RBFOX1: variants seen among roughly 807,000 people sequenced by gnomAD.
RBFOX1 encodes the protein RNA binding protein fox-1 homolog 1.
A neutral mutation model predicts 57.7 loss-of-function variants in RBFOX1; 8 were observed. The ratio of observed to expected loss-of-function variants is 0.14; its 90% confidence interval spans 0.08 to 0.25. The LOEUF (loss-of-function observed/expected upper bound fraction) is 0.25, where lower values mean the gene tolerates loss of function less well. Ranked by LOEUF, RBFOX1 falls within the 10% of genes least tolerant of loss-of-function variation. The probability of loss-of-function intolerance (pLI) is 1.00; values close to 1 mark genes in which losing one functional copy is unlikely to be tolerated. For missense variants in RBFOX1, 611 were observed against 548.5 expected, an observed-to-expected ratio of 1.11 and a Z score of -1.14; for synonymous variants, 326 against 222.4, an observed-to-expected ratio of 1.47 and a Z score of -4.15.
At chr16:7,507,561 CTTTCTTTTTTT>C (rs965718244) in intron 4 of RBFOX1, among the ~76,000 whole-genome samples, 1 of 122,904 alleles carries the variant, frequency 8.1e-6, no homozygotes, top group Non-Finnish European at 1.7e-5. Context: ...TTTTTTCTTT[CTTTCTTTTTTT>C]TTTTTTTTTG....
At chr16:6,530,098 C>G (rs1043120960) in intron 2 of RBFOX1, among the ~76,000 whole-genome samples, 24 of 152,178 alleles carry the variant, frequency 1.6e-4, no homozygotes, top group African/African-American at 4.6e-4. Flanking sequence ...AGACTTGTAG[C>G]TTCCGAAAAG....
chr16:7,704,352 G>C (rs1237015520), intron 14 of RBFOX1, among the ~76,000 whole-genome samples: 1 of 152,070 alleles, frequency 6.6e-6, no homozygotes, highest in Admixed American at 6.6e-5. Context: ...ATGGCAACTT[G>C]GCCAGTGTTT....
chr16:6,185,682 T>C (rs976444127), intron 1 of RBFOX1, among the ~76,000 whole-genome samples: 2 of 152,250 alleles, frequency 1.3e-5, no homozygotes, highest in Admixed American at 6.5e-5. Context: ...CTTGTGGGTC[T>C]AAATTGTTAA....
At chr16:5,835,682 A>T (rs1229399772) in intron 3 of RBFOX1, among the ~76,000 whole-genome samples, 1 of 152,196 alleles carries the variant, frequency 6.6e-6, no homozygotes, top group Non-Finnish European at 1.5e-5. Flanking sequence ...TTTTATGAGG[A>T]AAACAGTCTC....
At chr16:5,627,791 G>A (rs1044643892) in intron 3 of RBFOX1, among the ~76,000 whole-genome samples, 5 of 152,152 alleles carry the variant, frequency 3.3e-5, no homozygotes, top group African/African-American at 1.2e-4. Flanking sequence ...AATCAAAGAT[G>A]ATTTAAACTA....
intron 5 of RBFOX1, among the ~76,000 whole-genome samples, chr16:7,527,486 C>G (rs1304123486): frequency 1.3e-5 from 2 of 151,984 alleles, no homozygotes; most frequent in African/African-American, 4.8e-5. Context: ...GGGTTTCAGC[C>G]TCGGATTTTG....
chr16:5,735,173 A>G (rs2052527169), intron 3 of RBFOX1, among the ~76,000 whole-genome samples: 1 of 152,162 alleles, frequency 6.6e-6, no homozygotes, highest in Non-Finnish European at 1.5e-5. Context: ...GCTAGGAAAT[A>G]TGATGGAACC....
intron 2 of RBFOX1, among the ~76,000 whole-genome samples, chr16:5,587,329 A>T (rs535097307): frequency 1.3e-5 from 2 of 152,258 alleles, no homozygotes; most frequent in African/African-American, 4.8e-5. Context: ...ACATGAAAAG[A>T]TGCTCGACAT....
intron 3 of RBFOX1, among the ~76,000 whole-genome samples, chr16:5,726,196 A>T (rs566127729): frequency 2.0e-5 from 3 of 151,836 alleles, no homozygotes; most frequent in Non-Finnish European, 2.9e-5. Flanking sequence ...TTGCGAATCA[A>T]TCAGTTTTGT....
At chr16:6,759,748 T>G (rs1603608215) in intron 3 of RBFOX1, among the ~76,000 whole-genome samples, 2 of 152,192 alleles carry the variant, frequency 1.3e-5, no homozygotes, top group Non-Finnish European at 2.9e-5. Flanking sequence ...ACATGTATGC[T>G]GAAGAATTCA....
chr16:5,661,236 A>G (rs534488924), intron 3 of RBFOX1, among the ~76,000 whole-genome samples: 5 of 151,016 alleles, frequency 3.3e-5, no homozygotes, highest in Non-Finnish European at 7.3e-5. Context: ...ACATGGAAGG[A>G]AAATATAACA....
intron 2 of RBFOX1, among the ~76,000 whole-genome samples, chr16:6,527,242 G>T (rs1180719099): frequency 3.3e-5 from 5 of 152,006 alleles, no homozygotes; most frequent in Non-Finnish European, 7.4e-5. Flanking sequence ...AAGTAAAGAC[G>T]CGTTACCAGT....
In RBFOX1 at chr16:7,437,107, A is replaced by T. The variant is rs113505679; in HGVS notation, c.28-81040A>T. ...AAAAATCTCCTGACACCAGAAAGCC[A>T]CAGAGCAGAAGCATCACAGGGCTCT... On this transcript the variant is annotated intron_variant, in intron 4 of 15. Coordinates refer to ENST00000550418, the MANE Select transcript of RBFOX1 (RefSeq NM_018723.4). Among the ~76,000 whole-genome samples the T allele has an allele frequency of 3.3e-3, 503 of 152,272 alleles. 1 individual carries two copies. The highest frequency in any genetic ancestry group is 0.012 in the African/African-American group (490 of 41,570).
chr16:7,058,952 C>T (rs953110524), intron 4 of RBFOX1, among the ~76,000 whole-genome samples: 4 of 152,134 alleles, frequency 2.6e-5, no homozygotes, highest in Non-Finnish European at 5.9e-5. Flanking sequence ...TTTAGAAATA[C>T]TGAAATCATG....
intron 2 of RBFOX1, among the ~76,000 whole-genome samples, chr16:6,527,516 T>A (rs1050213764): frequency 3.9e-5 from 6 of 152,198 alleles, no homozygotes; most frequent in Non-Finnish European, 7.3e-5. Context: ...GATTTTTGGT[T>A]ATGTTTCTGT....
chr16:6,901,915 C>CT (rs766955757), intron 3 of RBFOX1, among the ~76,000 whole-genome samples: 4 of 152,086 alleles, frequency 2.6e-5, no homozygotes, highest in Non-Finnish European at 5.9e-5. Context: ...TGCCATCTGG[C>CT]TTTTAAGCAG....
At chr16:6,975,275 T>A (rs1044868853) in intron 3 of RBFOX1, among the ~76,000 whole-genome samples, 6 of 151,342 alleles carry the variant, frequency 4.0e-5, no homozygotes, top group Admixed American at 2.6e-4. Context: ...TTTTATTATT[T>A]TTTTTTTTGA....
chr16:6,310,041 C>T (rs1278080421), intron 1 of RBFOX1, among the ~76,000 whole-genome samples: 3 of 152,118 alleles, frequency 2.0e-5, no homozygotes, highest in Admixed American at 6.5e-5. Flanking sequence ...GTGCCTGCCA[C>T]CACGCCCAGC....
At chr16:6,717,164 G>A (rs935278475) in intron 3 of RBFOX1, among the ~76,000 whole-genome samples, 3 of 152,100 alleles carry the variant, frequency 2.0e-5, no homozygotes, top group Admixed American at 6.6e-5. Context: ...TAAGATGCAC[G>A]GTCTATGGTA....
Sources: gnomAD v4.1 joint callset for allele counts (sites outside exome capture counted in the v4.1 genomes callset) on GRCh38, gnomAD v4.1.1 for gene constraint, MANE v1.5 for transcripts, NCBI Gene and HGNC (gene_info 2026-07-23, HGNC 2026-07-21) for gene names.